ATP11A: variants seen among roughly 807,000 people sequenced by gnomAD.
ATP11A encodes the protein ATPase phospholipid transporting 11A.
In ATP11A, 81 loss-of-function variants were observed where a neutral mutation model predicts 154.4. The ratio of observed to expected loss-of-function variants is 0.52; its 90% confidence interval spans 0.44 to 0.63. The LOEUF (loss-of-function observed/expected upper bound fraction) is 0.63. Ranked by LOEUF, ATP11A falls within the 30% of genes least tolerant of loss-of-function variation. ATP11A has a pLI of 0.00. For synonymous variants in ATP11A, 623 were observed against 585.9 expected (o/e 1.06, Z -0.91); for missense variants, 1,316 against 1,474.3 (o/e 0.89, Z 1.76).
chr13:112,784,903 G>A (rs545736406), intron 1 of ATP11A, among the ~76,000 whole-genome samples: 1 of 152,224 alleles, frequency 6.6e-6, no homozygotes, highest in Non-Finnish European at 1.5e-5. Flanking sequence ...TCTCACAGGA[G>A]CGCAGACCCT....
At chr13:112,876,071 T>A in intron 28 of ATP11A, 130 bp downstream of exon 28, 4 of 1,028,526 alleles carry the variant, frequency 3.9e-6, no homozygotes, top group Non-Finnish European at 5.4e-6. Flanking sequence ...GTATCACTAA[T>A]GAGTGTCCTG....
chr13:112,883,182 C>T lies in ATP11A; in HGVS notation c.*1316C>T. On this transcript the variant is annotated 3_prime_UTR_variant, in exon 30 of 30. Transcript: ENST00000375645. Reference sequence around the variant, plus strand: ...CCCCACATACCCTCGTCCCCATGTCCCCACGCAGGGCTCTCCTTCGTCTTA... The same window carrying T: ...CCCCACATACCCTCGTCCCCATGTCTCCACGCAGGGCTCTCCTTCGTCTTA... 2.5e-6 allele frequency: 1 copy of T among 398,838 alleles called. No individual in the cohort carries two copies. The allele number at this position is 398,838 out of a possible 1,614,324, so 24.7% of individuals were successfully genotyped here. A position where few individuals can be genotyped will look rare whatever the true frequency, so the allele number is the denominator to read the frequency against.
intron 1 of ATP11A, among the ~76,000 whole-genome samples, chr13:112,750,390 T>TCA (rs1432509396): frequency 3.5e-5 from 1 of 28,934 alleles, no homozygotes. Context: ...CGTGAATTTC[T>TCA]GTCTTAGGGA....
At chr13:112,863,660 G>A (rs528779678) in intron 25 of ATP11A, among the ~76,000 whole-genome samples, 2,725 of 138,632 alleles carry the variant, frequency 0.02, 83 homozygotes, top group African/African-American at 0.073. Flanking sequence ...GCTTCCCAGC[G>A]GGATCCATCA....
At chr13:112,795,196 G>C (rs2140094542) in intron 2 of ATP11A, among the ~76,000 whole-genome samples, 1 of 152,328 alleles carries the variant, frequency 6.6e-6, no homozygotes, top group Non-Finnish European at 1.5e-5. Flanking sequence ...AGTGAGCCGA[G>C]ATGGCGCCAC....
intron 29 of ATP11A, chr13:112,881,458 A>G: frequency 9.3e-7 from 1 of 1,069,878 alleles, no homozygotes; most frequent in Non-Finnish European, 1.1e-6. Context: ...ATGGCGTTCG[A>G]GCTCACTGCA....
chr13:112,864,882 C>T (rs2080266397), intron 25 of ATP11A, among the ~76,000 whole-genome samples: 1 of 65,958 alleles, frequency 1.5e-5, no homozygotes, highest in East Asian at 6.0e-4. Flanking sequence ...TAATTCAGTG[C>T]AGGCCTGCGC....
chr13:112,881,115 A>G (rs2080871343), intron 29 of ATP11A: 1 of 988,042 alleles, frequency 1.0e-6, no homozygotes, highest in African/African-American at 1.7e-5. Context: ...CATGGAGGCC[A>G]TGAAGACATC....
rs1325928396 is a variant in ATP11A at position 112,785,194 on chromosome 13, A to G, written c.99A>G (p.Pro33=). The G allele has an allele frequency of 6.3e-7, 1 of 1,578,726 alleles. No homozygotes were observed. Among genetic ancestry groups the G allele is most frequent in the African/African-American group, 1.4e-5 (1 of 73,006 alleles). ...SRTIYVGHRE[P]PPGAEAYIPQ... ...CCATCTACGTGGGACACAGGGAGCC[A>G]CCTCCGGGCGCAGAGGCCTACATCC... The change falls in exon 2 of 30, where the codon CCA becomes CCG. Residue 33 remains proline, a synonymous_variant. Coordinates refer to ENST00000375645, the MANE Select transcript of ATP11A (RefSeq NM_015205.3). The surrounding 1 kb of genome is among the most constrained non-coding windows in gnomAD (Gnocchi z 4.8).
chr13:112,858,333 C>A (rs963818303), intron 22 of ATP11A, 43 bp downstream of exon 22: 4 of 1,580,474 alleles, frequency 2.5e-6, no homozygotes, highest in African/African-American at 2.7e-5. Flanking sequence ...AGCAACAGGT[C>A]ACGCACAGGG....
intron 19 of ATP11A, 49 bp from the exon 20 acceptor site, chr13:112,855,862 C>G: frequency 6.6e-7 from 1 of 1,518,446 alleles, no homozygotes; most frequent in Non-Finnish European, 8.9e-7. Context: ...CTTCTAAAAT[C>G]TATAGATTTA....
chr13:112,804,690 T>C (rs528630491), intron 2 of ATP11A, among the ~76,000 whole-genome samples: 3 of 151,980 alleles, frequency 2.0e-5, no homozygotes, highest in Admixed American at 2.0e-4. Flanking sequence ...ATAAAAGACA[T>C]CTTAATAATC....
At chr13:112,709,525 A>G (rs1887508013) in intron 1 of ATP11A, among the ~76,000 whole-genome samples, 1 of 152,202 alleles carries the variant, frequency 6.6e-6, no homozygotes, top group South Asian at 2.1e-4. Context: ...TCCGCTATCT[A>G]AGAGCTTCCT....
chr13:112,854,651 G>T, intron 19 of ATP11A, 121 bp downstream of exon 19: 1 of 1,196,714 alleles, frequency 8.4e-7, no homozygotes. Context: ...TTCTCCCCTG[G>T]GGCATTAATG....
chr13:112,862,385 A>T (rs949973612), intron 24 of ATP11A, 55 bp from the exon 25 acceptor site: 1 of 1,603,204 alleles, frequency 6.2e-7, no homozygotes, highest in Non-Finnish European at 8.5e-7. Flanking sequence ...AGCCTGGGGG[A>T]GGTGCCGGGC....
At chr13:112,735,574 T>G (rs1346424143) in intron 1 of ATP11A, among the ~76,000 whole-genome samples, 2 of 152,200 alleles carry the variant, frequency 1.3e-5, no homozygotes, top group Non-Finnish European at 2.9e-5. Context: ...AGCGAGAGGT[T>G]GTGATGCTTG....
chr13:112,774,283 G>C (rs900273531), intron 1 of ATP11A, among the ~76,000 whole-genome samples: 1 of 152,214 alleles, frequency 6.6e-6, no homozygotes, highest in Non-Finnish European at 1.5e-5. Context: ...TAAGTCATCT[G>C]TTCTAAACTG....
At chr13:112,878,500 C>A in intron 29 of ATP11A, 197 bp downstream of exon 29, 1 of 616,948 alleles carries the variant, frequency 1.6e-6, no homozygotes, top group Non-Finnish European at 2.9e-6. Context: ...TGCTTTCCAT[C>A]AGTCACAGTT....
intron 1 of ATP11A, among the ~76,000 whole-genome samples, chr13:112,742,975 CCT>C (rs1321204567): frequency 6.6e-6 from 1 of 152,164 alleles, no homozygotes. Context: ...CAGAACTCAC[CCT>C]GTGAATCTAG....
Sources: allele counts gnomAD v4.1 joint callset (sites outside exome capture counted in the v4.1 genomes callset), GRCh38; gene constraint gnomAD v4.1.1; non-coding constraint Gnocchi (gnomAD v3.1); transcripts MANE v1.5; gene names NCBI Gene and HGNC (gene_info 2026-07-23, HGNC 2026-07-21).